FAT3: variants seen among roughly 807,000 people sequenced by gnomAD.
The protein encoded by FAT3 is FAT atypical cadherin 3.
FAT3 carries 95 observed loss-of-function variants against 310.2 expected under a neutral mutation model. The observed-to-expected ratio is 0.31, with a 90% confidence interval of 0.26 to 0.36. The LOEUF (loss-of-function observed/expected upper bound fraction) is 0.36. Among genes scored for constraint, FAT3 ranks in the 10% least tolerant of loss-of-function variants. The pLI, the probability that FAT3 is intolerant of heterozygous loss-of-function variation, is 1.00. For synonymous variants in FAT3, 2,314 were observed against 2,192.9 expected, an observed-to-expected ratio of 1.06 and a Z score of -1.54; for missense variants, 5,408 against 5,715.6, an observed-to-expected ratio of 0.95 and a Z score of 1.74.
At chr11:92,840,512 A>G (rs1948511696) in intron 17 of FAT3, 50 bp from the exon 18 acceptor site, 1 of 1,443,732 alleles carries the variant, frequency 6.9e-7, no homozygotes, top group African/African-American at 1.4e-5. Context: ...ATGAATGTGA[A>G]GAGAAGTGTA....
chr11:92,795,466 A>C (rs1452961158), intron 9 of FAT3, among the ~76,000 whole-genome samples: 1 of 152,070 alleles, frequency 6.6e-6, no homozygotes, highest in Non-Finnish European at 1.5e-5. Context: ...TGTAGCAGGA[A>C]AGAATAAGCA....
intron 3 of FAT3, among the ~76,000 whole-genome samples, chr11:92,626,826 G>A (rs1343309484): frequency 6.6e-6 from 1 of 152,162 alleles, no homozygotes; most frequent in East Asian, 1.9e-4. Flanking sequence ...CAGCTATTAA[G>A]CTTGCTTATT....
At chr11:92,350,497 A>G (rs551297678) in intron 1 of FAT3, among the ~76,000 whole-genome samples, 269 of 152,238 alleles carry the variant, frequency 1.8e-3, no homozygotes, top group African/African-American at 6.2e-3. Flanking sequence ...TTAGAATTAA[A>G]TTATGTCATA....
At chr11:92,871,007 T>C (rs932839365) in intron 22 of FAT3, among the ~76,000 whole-genome samples, 1 of 152,284 alleles carries the variant, frequency 6.6e-6, no homozygotes, top group African/African-American at 2.4e-5. Flanking sequence ...ACATAGCTAG[T>C]AAAGTGGTGA....
chr11:92,561,250 C>CATGTGT, intron 3 of FAT3, among the ~76,000 whole-genome samples: 1 of 148,496 alleles, frequency 6.7e-6, no homozygotes, highest in East Asian at 2.0e-4. Context: ...CCTTCTACTT[C>CATGTGT]GTGTGTGTGT....
At chr11:92,763,287 G>C (rs150682579) in intron 5 of FAT3, among the ~76,000 whole-genome samples, 1 of 152,000 alleles carries the variant, frequency 6.6e-6, no homozygotes, top group Non-Finnish European at 1.5e-5. Flanking sequence ...TGGTCTAGAC[G>C]TGGGCTCCTT....
intron 4 of FAT3, among the ~76,000 whole-genome samples, chr11:92,699,831 A>G (rs1198319336): frequency 6.6e-6 from 1 of 152,236 alleles, no homozygotes; most frequent in African/African-American, 2.4e-5. Context: ...GGTGCTTAGT[A>G]AAGTGTGGTT....
At chr11:92,243,371 G>A (rs1239260217) in intron 1 of FAT3, among the ~76,000 whole-genome samples, 1 of 151,894 alleles carries the variant, frequency 6.6e-6, no homozygotes, top group Non-Finnish European at 1.5e-5. Context: ...AATTATAATA[G>A]CAGTTAAGTT....
chr11:92,332,895 CTATGT>C (rs1452064901), intron 1 of FAT3, among the ~76,000 whole-genome samples: 1 of 152,022 alleles, frequency 6.6e-6, no homozygotes, highest in Non-Finnish European at 1.5e-5. Flanking sequence ...ATAGTATTTG[CTATGT>C]TATGTTAGTA....
rs539607680 is a variant in FAT3, at chr11:92,889,161, A to G, written c.13052-28A>G. On this transcript the variant is annotated intron_variant, in intron 25 of 27. Coordinates refer to ENST00000525166, the MANE Select transcript of FAT3 (RefSeq NM_001367949.2). The stretch of plus-strand genomic sequence containing the variant: ...ACTAACCTGAAGCTGTCCTTCCCCT[A>G]CCTCCGACTTCTTTTCCTGACCACA... 2.7e-4 allele frequency: 187 copies of G among 704,162 alleles called. No individual in the cohort carries two copies. In the African/African-American group the frequency reaches 3.0e-3, roughly 11 times the overall value. The allele number at this position is 704,162 out of a possible 1,614,324, so 43.6% of individuals were successfully genotyped here.
At chr11:92,234,625 C>G (rs184406279) in intron 1 of FAT3, among the ~76,000 whole-genome samples, 2 of 152,030 alleles carry the variant, frequency 1.3e-5, no homozygotes, top group Non-Finnish European at 2.9e-5. Flanking sequence ...CAAAAATTGC[C>G]AGGCACGGTG....
At chr11:92,566,958 A>C (rs1955477919) in intron 3 of FAT3, among the ~76,000 whole-genome samples, 1 of 152,220 alleles carries the variant, frequency 6.6e-6, no homozygotes, top group Non-Finnish European at 1.5e-5. Flanking sequence ...AGACATTTCC[A>C]TTCAGGACAT....
intron 1 of FAT3, among the ~76,000 whole-genome samples, chr11:92,318,123 T>C (rs188627445): frequency 8.8e-4 from 134 of 152,266 alleles, no homozygotes; most frequent in African/African-American, 3.1e-3. Context: ...GGAGACACCA[T>C]ATCATAGTGT....
At position 92,602,479 on chromosome 11, in the gene FAT3, C is replaced by G. The variant is rs192169944; in HGVS notation, c.3607+77531C>G. 4.6e-5 allele frequency among the ~76,000 whole-genome samples: 7 copies of G among 152,292 alleles called. No individual in the cohort carries two copies. The East Asian group carries it at 1.4e-3, about 29-fold the overall frequency. ...GACAGGAACAGATTGGCCGGTTAGCCTGTTCAAGATGACAGATGATGAGAA... is the reference window on the plus strand; with the variant it reads ...GACAGGAACAGATTGGCCGGTTAGCGTGTTCAAGATGACAGATGATGAGAA... On this transcript the variant is annotated intron_variant, in intron 3 of 27. Coordinates refer to ENST00000525166, the MANE Select transcript of FAT3 (RefSeq NM_001367949.2).
rs11357492 is a variant in FAT3 at position 92,650,113 on chromosome 11, A to AT, written c.3608-47261dup. Among the ~76,000 whole-genome samples, 509 of 149,126 alleles carry AT rather than the reference A, an allele frequency of 3.4e-3. 3 individuals carry two copies. The highest frequency in any genetic ancestry group is 0.01 in the African/African-American group (409 of 40,618). ...GTCTATAGGAGCTGATTGAAATGCC[A>AT]TTTTTTTTTTGCCATTATGATTGGA... On this transcript the variant is annotated intron_variant, in intron 3 of 27. Transcript: ENST00000525166.
Position 92,525,023 on chromosome 11 carries a change from A to T in FAT3, c.3607+75A>T, listed in dbSNP as rs185973676. 3.9e-4 allele frequency: 467 copies of T among 1,210,276 alleles called. 5 individuals are homozygous for T. Among genetic ancestry groups the T allele is most frequent in the Non-Finnish European group, 4.0e-5 (34 of 854,970 alleles). 75.0% of individuals were successfully genotyped at this position (1,210,276 alleles called of 1,614,324 possible). A position where few individuals can be genotyped will look rare whatever the true frequency, so the allele number is the denominator to read the frequency against. On this transcript the variant is annotated intron_variant, in intron 3 of 27. Transcript: ENST00000525166. ...AATTCATCAGCCTGACACTTTCTGT[A>T]CTCATTTACTTTATTTTCTAAAGAA...
At chr11:92,827,920 A>G (rs1370732776) in intron 13 of FAT3, among the ~76,000 whole-genome samples, 1 of 152,210 alleles carries the variant, frequency 6.6e-6, no homozygotes, top group Non-Finnish European at 1.5e-5. Context: ...TGAAAGTCAC[A>G]CTTCTCTTGG....
At chr11:92,776,488 G>A (rs776310976) in intron 7 of FAT3, among the ~76,000 whole-genome samples, 11 of 152,222 alleles carry the variant, frequency 7.2e-5, no homozygotes, top group Middle Eastern at 3.4e-3. Context: ...AAGTACTAAG[G>A]TCACAGTGAT....
At chr11:92,830,047 T>A (rs11820289) in intron 13 of FAT3, among the ~76,000 whole-genome samples, 2 of 152,190 alleles carry the variant, frequency 1.3e-5, no homozygotes, top group Non-Finnish European at 2.9e-5. Flanking sequence ...TATTCTATGG[T>A]TCCACAATTC....
Sources: gnomAD v4.1 joint callset for allele counts (sites outside exome capture counted in the v4.1 genomes callset) on GRCh38, gnomAD v4.1.1 for gene constraint, MANE v1.5 for transcripts, NCBI Gene and HGNC (gene_info 2026-07-23, HGNC 2026-07-21) for gene names.